ADCY9: variants seen among roughly 807,000 people sequenced by gnomAD.
ADCY9 encodes the protein adenylate cyclase type 9.
A neutral mutation model predicts 101.5 loss-of-function variants in ADCY9; 50 were observed. The ratio of observed to expected loss-of-function variants is 0.49; its 90% CI spans 0.39 to 0.62. ADCY9 has a LOEUF of 0.62. ADCY9 is among the 20% of genes least tolerant of loss of function. ADCY9 has a pLI of 0.00. For synonymous variants in ADCY9, 905 were observed against 769.3 expected (o/e 1.18, Z -2.92); for missense variants, 1,662 against 1,800.4 (o/e 0.92, Z 1.39).
At chr16:4,077,271 C>T (rs935027204) in intron 2 of ADCY9, among the ~76,000 whole-genome samples, 3 of 152,044 alleles carry the variant, frequency 2.0e-5, no homozygotes, top group African/African-American at 4.8e-5. Flanking sequence ...CAGCCTTGTC[C>T]CCCCCCGAGG....
intron 2 of ADCY9, among the ~76,000 whole-genome samples, chr16:4,029,145 G>A (rs927081440): frequency 6.6e-6 from 1 of 152,094 alleles, no homozygotes; most frequent in Non-Finnish European, 1.5e-5. Context: ...AAAAATATCA[G>A]TTCACATTTC....
chr16:4,057,625 G>C (rs1022003546), intron 2 of ADCY9, among the ~76,000 whole-genome samples: 1 of 152,188 alleles, frequency 6.6e-6, no homozygotes, highest in African/African-American at 2.4e-5. Flanking sequence ...GAATACCAAA[G>C]CTTCTGTGAG....
At chr16:4,019,970 C>T (rs1477103429) in intron 2 of ADCY9, among the ~76,000 whole-genome samples, 1 of 151,946 alleles carries the variant, frequency 6.6e-6, no homozygotes, top group Non-Finnish European at 1.5e-5. Flanking sequence ...CCCAGCTACT[C>T]GGGAGGCTGA....
intron 3 of ADCY9, among the ~76,000 whole-genome samples, chr16:4,000,921 G>T (rs1340025971): frequency 2.8e-5 from 4 of 143,502 alleles, no homozygotes; most frequent in African/African-American, 1.0e-4. Flanking sequence ...TCACTCTCTG[G>T]CAATGCCAGT....
chr16:4,077,077 CAA>C (rs56303992), intron 2 of ADCY9, among the ~76,000 whole-genome samples: 6 of 139,094 alleles, frequency 4.3e-5, no homozygotes, highest in African/African-American at 5.2e-5. Flanking sequence ...GACTTCGTCT[CAA>C]AAAAAAAAAA....
In ADCY9 at chr16:3,979,233, G is replaced by A. The variant is rs753459452; in HGVS notation, c.2562C>T (p.Arg854=). The change falls in exon 8 of 11, where the codon CGC becomes CGT. Residue 854 remains arginine (R), a synonymous_variant. Coordinates refer to ENST00000294016, the MANE Select transcript of ADCY9 (RefSeq NM_001116.4). ...FLEDVMACTK[R]LLEWIAGWLP... ...GCCAGCCGGCGATCCACTCCAGCAG[G>A]CGCTTGGTGCAGGCCATGACGTCCT... 4.3e-6 allele frequency: 7 copies of A among 1,614,058 alleles called. No individual in the cohort carries two copies. In the South Asian group the frequency reaches 7.7e-5, roughly 18 times the overall value.
At chr16:3,994,534 C>T (rs901565787) in intron 3 of ADCY9, among the ~76,000 whole-genome samples, 1 of 152,198 alleles carries the variant, frequency 6.6e-6, no homozygotes, top group Non-Finnish European at 1.5e-5. Context: ...TGGCTCACTG[C>T]AACGTCCACC....
At chr16:3,983,530 A>G (rs1474918898) in intron 6 of ADCY9, 90 bp from the exon 7 acceptor site, 2 of 1,115,640 alleles carry the variant, frequency 1.8e-6, no homozygotes, top group East Asian at 5.2e-5. Flanking sequence ...ACACGTGCGG[A>G]GCACTGCTGC....
chr16:3,988,175 G>A (rs1368191194), intron 6 of ADCY9, among the ~76,000 whole-genome samples: 1 of 152,144 alleles, frequency 6.6e-6, no homozygotes, highest in African/African-American at 2.4e-5. Flanking sequence ...TGTATGAAGG[G>A]AAGTACAATC....
chr16:4,078,640 G>A (rs2108985), intron 2 of ADCY9, among the ~76,000 whole-genome samples: 28,729 of 151,578 alleles, frequency 0.19, 3,068 homozygotes, highest in African/African-American at 0.3. Context: ...CCTCAGGTGG[G>A]GAAGGCTTTT....
chr16:4,060,539 A>G (rs1401435910), intron 2 of ADCY9, among the ~76,000 whole-genome samples: 1 of 152,224 alleles, frequency 6.6e-6, no homozygotes, highest in Non-Finnish European at 1.5e-5. Context: ...AAGGTGTTTC[A>G]GCACACCTCT....
At chr16:4,006,376 G>A (rs1216254656) in intron 3 of ADCY9, among the ~76,000 whole-genome samples, 1 of 152,208 alleles carries the variant, frequency 6.6e-6, no homozygotes, top group Non-Finnish European at 1.5e-5. Context: ...GACAGAACCC[G>A]AGTGCAATCA....
chr16:4,026,632 C>A (rs917014627), intron 2 of ADCY9, among the ~76,000 whole-genome samples: 12 of 152,134 alleles, frequency 7.9e-5, no homozygotes, highest in Non-Finnish European at 1.8e-4. Flanking sequence ...CACTGTGGTC[C>A]CTCCCCACAA....
intron 2 of ADCY9, among the ~76,000 whole-genome samples, chr16:4,091,100 GTC>G (rs2056970791): frequency 6.6e-6 from 1 of 151,132 alleles, no homozygotes; most frequent in Non-Finnish European, 1.5e-5. Context: ...TTGAGACAGA[GTC>G]TCACTCTGTC....
Position 4,114,898 on chromosome 16 carries a change from A to T in ADCY9, c.545T>A (p.Leu182Gln). The change falls in exon 2 of 11, where the codon CTG becomes CAG. Residue 182 changes from leucine (L) to glutamine (Q), a missense_variant. Around this residue, in one of 5 missense-constraint regions of ADCY9, gnomAD observed 422 missense variants for 392.0 expected, o/e 1.08. Transcript: ENST00000294016. The surrounding 1 kb of genome is among the most constrained non-coding windows in gnomAD (Gnocchi z 4.3). ...CGCAGCCAGGGTCAGGGCGAACACC[A>T]GCAGGGTGAGAGCCAGCGAGGTCCA... Reference protein sequence around the residue: ...YAWTSLALTLLVFALTLAAQF... With the variant: ...YAWTSLALTLQVFALTLAAQF... The T allele has an allele frequency of 3.1e-6, 5 of 1,613,872 alleles. No individual in the cohort carries two copies. Among genetic ancestry groups the T allele is most frequent in the Non-Finnish European group, 4.2e-6 (5 of 1,180,040 alleles).
At chr16:4,096,961 T>C (rs1046668981) in intron 2 of ADCY9, among the ~76,000 whole-genome samples, 3 of 152,302 alleles carry the variant, frequency 2.0e-5, no homozygotes, top group Non-Finnish European at 4.4e-5. Context: ...AAGACTACCC[T>C]GGAGCTTTGC....
At chr16:4,055,702 C>T (rs1370277387) in intron 2 of ADCY9, among the ~76,000 whole-genome samples, 3 of 152,090 alleles carry the variant, frequency 2.0e-5, no homozygotes, top group Non-Finnish European at 4.4e-5. Context: ...GGCGTGGCGC[C>T]GGGCGCCTGT....
At chr16:4,087,026 A>C (rs1485843991) in intron 2 of ADCY9, among the ~76,000 whole-genome samples, 1 of 151,940 alleles carries the variant, frequency 6.6e-6, no homozygotes, top group African/African-American at 2.4e-5. Flanking sequence ...CCATCCTAGG[A>C]GCTCACCTGA....
chr16:4,021,570 A>G (rs774782847), intron 2 of ADCY9, among the ~76,000 whole-genome samples: 2 of 152,198 alleles, frequency 1.3e-5, no homozygotes, highest in Non-Finnish European at 2.9e-5. Flanking sequence ...GAGCTAGGAG[A>G]GTATCAGAGG....
Sources: gnomAD v4.1 joint callset for allele counts (sites outside exome capture counted in the v4.1 genomes callset) on GRCh38, gnomAD v4.1.1 for gene constraint, gnomAD v4.1.1 regional missense constraint, Gnocchi (gnomAD v3.1) non-coding constraint, MANE v1.5 for transcripts, NCBI Gene and HGNC (gene_info 2026-07-23, HGNC 2026-07-21) for gene names.